The following AFAP1 variants were observed in gnomAD, a reference collection of about 807,000 sequenced individuals.
AFAP1 encodes actin filament-associated protein 1.
Under a neutral mutation model 93.9 loss-of-function variants are expected in AFAP1, and 75 were observed. That is an observed-to-expected ratio of 0.80 (90% CI 0.66 to 0.97). The LOEUF (loss-of-function observed/expected upper bound fraction) is 0.97. AFAP1 is among the 50% of genes least tolerant of loss of function. AFAP1 has a pLI of 0.00. For synonymous variants in AFAP1, 517 were observed against 430.7 expected (o/e 1.20, Z -2.48); for missense variants, 1,201 against 1,050.8 (o/e 1.14, Z -1.98).
chr4:7,843,040 C>T, intron 5 of AFAP1, 99 bp downstream of exon 5: 1 of 1,361,186 alleles, frequency 7.3e-7, no homozygotes, highest in African/African-American at 1.5e-5. Flanking sequence ...GAGTGCTGCC[C>T]TTCCTGCACA....
rs371164081 is a variant in AFAP1, at chr4:7,805,926, G to T, written c.1054+3688C>A. ...AAACTTCCATCTGGTGGCCTGGGGA[G>T]GGGGAAGCAGAGTAGAATGAGGTGA... On this transcript the variant is annotated intron_variant, in intron 9 of 17. Coordinates refer to ENST00000420658, the MANE Select transcript of AFAP1 (RefSeq NM_001134647.2). 5.3e-5 allele frequency among the ~76,000 whole-genome samples: 8 copies of T among 152,324 alleles called. No homozygotes were observed. In the East Asian group the frequency reaches 9.6e-4, roughly 18 times the overall value.
intron 1 of AFAP1, among the ~76,000 whole-genome samples, chr4:7,893,985 TCAAATCACCAG>T (rs1335432773): frequency 6.6e-6 from 1 of 152,156 alleles, no homozygotes; most frequent in Admixed American, 6.5e-5. Context: ...GAGGCTGAGT[TCAAATCACCAG>T]CAAAGACCTC....
chr4:7,771,396 A>T (rs1715416536), intron 16 of AFAP1, among the ~76,000 whole-genome samples: 1 of 152,120 alleles, frequency 6.6e-6, no homozygotes, highest in Non-Finnish European at 1.5e-5. Context: ...GTATCGTATA[A>T]ATATATAATT....
rs560759678 is a variant in AFAP1, at chr4:7,798,994, GTTTC to G, written c.1266+1444_1266+1447del. ...CCCGCATTGTTACATCAAGAGTACAGTTTCTTTATTTAAGTTTTCAGCTTTTTTC... is the reference window on the plus strand; with the variant it reads ...CCCGCATTGTTACATCAAGAGTACAGTTTATTTAAGTTTTCAGCTTTTTTC... On this transcript the variant is annotated intron_variant, in intron 10 of 17. Transcript: ENST00000420658. 3.5e-3 allele frequency: 3,495 copies of G among 986,264 alleles called. 10 individuals are homozygous for G. Among genetic ancestry groups the G allele is most frequent in the Non-Finnish European group, 3.9e-3 (3,206 of 830,118 alleles). 61.1% of individuals were successfully genotyped at this position (986,264 alleles called of 1,614,324 possible). A position where few individuals can be genotyped will look rare whatever the true frequency, so the allele number is the denominator to read the frequency against.
rs1165126454 is a variant in AFAP1, at chr4:7,786,263, G to A, written c.1461C>T (p.Thr487=). The change falls in exon 12 of 18, where the codon ACC becomes ACT. Residue 487 remains threonine, a synonymous_variant. Transcript: ENST00000420658. ...VISANPYLGG[T]SNGYAHPSGT... is the part of the protein sequence containing the mutation. ...CGCTGGGGTGGGCATAGCCGTTGGA[G>A]GTGCCCCCTAGATATGGGTTAGCAG... The A allele has an allele frequency of 3.1e-6, 5 of 1,614,180 alleles. No homozygotes were observed. The South Asian group carries it at 5.5e-5, about 18-fold the overall frequency.
rs16841284 is a variant in AFAP1 at position 7,793,486 on chromosome 4, G to A, written c.1412+195C>T. On this transcript the variant is annotated intron_variant, in intron 11 of 17. Transcript: ENST00000420658. ...AGTCCTTCATGCAAGTTTGCCACAC[G>A]CTGCTCGAATAGAAAACCCAGTGGG... Among the ~76,000 whole-genome samples, 7,704 of 152,280 alleles carry A rather than the reference G, an allele frequency of 0.051. 663 individuals carry two copies. Among genetic ancestry groups the A allele is most frequent in the African/African-American group, 0.18 (7,290 of 41,536 alleles).
intron 10 of AFAP1, among the ~76,000 whole-genome samples, chr4:7,795,211 A>C (rs1025535739): frequency 2.0e-5 from 3 of 152,140 alleles, no homozygotes; most frequent in Non-Finnish European, 4.4e-5. Context: ...TCCATATAAC[A>C]AATCATTACT....
chr4:7,779,008 G>T (rs542686183), intron 13 of AFAP1, 132 bp from the exon 14 acceptor site: 2 of 677,458 alleles, frequency 3.0e-6, no homozygotes, highest in East Asian at 2.7e-5. Flanking sequence ...AGGAAAAATC[G>T]AAAGTGAAAG....
At chr4:7,775,531 T>C (rs948363352) in intron 14 of AFAP1, 7 of 152,326 alleles carry the variant, frequency 4.6e-5, no homozygotes, top group Non-Finnish European at 8.8e-5. Flanking sequence ...CTTATGGCCA[T>C]GTCATCTGAC....
chr4:7,893,825 C>A (rs1718614354), intron 1 of AFAP1, among the ~76,000 whole-genome samples: 1 of 152,102 alleles, frequency 6.6e-6, no homozygotes. Context: ...AGAAGCCAGG[C>A]CCTAAGCCAC....
chr4:7,789,361 T>G (rs1028358287), intron 11 of AFAP1, among the ~76,000 whole-genome samples: 1 of 152,068 alleles, frequency 6.6e-6, no homozygotes, highest in Non-Finnish European at 1.5e-5. Context: ...CCAAGAGAAC[T>G]GCCTCCCATC....
chr4:7,869,683 T>C (rs757839646), intron 2 of AFAP1, among the ~76,000 whole-genome samples: 34 of 152,110 alleles, frequency 2.2e-4, no homozygotes, highest in Non-Finnish European at 4.7e-4. Context: ...CCTGTAAAAA[T>C]ACTGACTTAA....
In AFAP1 at chr4:7,819,115, A is replaced by T. The variant is rs1162488494; in HGVS notation, c.783T>A (p.Pro261=). 6.2e-7 allele frequency: 1 copy of T among 1,613,834 alleles called. No individual in the cohort carries two copies. Among genetic ancestry groups the T allele is most frequent in the Admixed American group, 1.7e-5 (1 of 59,944 alleles). Residue 261 remains proline (P), a synonymous_variant, in exon 7 of 18, where the codon CCT becomes CCA. Transcript: ENST00000420658. ...CSGPVDSECP[P]PPSSPVHKAE... is the part of the protein sequence containing the mutation. ...CCTTGTGCACCGGGGAGCTTGGTGG[A>T]GGAGGACACTCTGAATCCACGGGGC... is the stretch of plus-strand genomic sequence containing the variant.
intron 13 of AFAP1, among the ~76,000 whole-genome samples, chr4:7,780,678 A>C (rs1354590214): frequency 3.3e-5 from 5 of 152,004 alleles, no homozygotes; most frequent in African/African-American, 1.2e-4. Context: ...TAACACCACA[A>C]AATTACTCTG....
intron 12 of AFAP1, among the ~76,000 whole-genome samples, chr4:7,784,968 C>T (rs1717126890): frequency 6.6e-6 from 1 of 152,206 alleles, no homozygotes; most frequent in African/African-American, 2.4e-5. Flanking sequence ...AAGTCTATTT[C>T]ATAGCCTTGG....
In AFAP1 at chr4:7,761,878, T is replaced by C. The variant is rs2269851; in HGVS notation, c.*1887A>G. ...GGCAATGCAGCGGACGGCCCTGAGG[T>C]GTGTGGCGTCCCCGCCCGACCTGCC... On this transcript the variant is annotated 3_prime_UTR_variant, in exon 18 of 18. Transcript: ENST00000420658. 104,746 of 151,990 alleles carry C rather than the reference T, an allele frequency of 0.69. 36,794 individuals are homozygous for C. Among genetic ancestry groups the C allele is most frequent in the Non-Finnish European group, 0.77 (52,311 of 67,994 alleles). 9.4% of individuals were successfully genotyped at this position (151,990 alleles called of 1,614,324 possible). A position where few individuals can be genotyped will look rare whatever the true frequency, so the allele number is the denominator to read the frequency against.
intron 12 of AFAP1, among the ~76,000 whole-genome samples, chr4:7,783,388 C>T (rs1316831037): frequency 6.6e-6 from 1 of 152,210 alleles, no homozygotes; most frequent in African/African-American, 2.4e-5. Flanking sequence ...GATCTGCCCA[C>T]CTCTGCCTTC....
chr4:7,782,650 G>A (rs940408051), intron 12 of AFAP1, among the ~76,000 whole-genome samples: 6 of 152,234 alleles, frequency 3.9e-5, no homozygotes, highest in Non-Finnish European at 8.8e-5. Flanking sequence ...TTTATAAATC[G>A]CCTGGCATGA....
intron 9 of AFAP1, among the ~76,000 whole-genome samples, chr4:7,809,230 T>G (rs921741816): frequency 1.3e-5 from 2 of 151,082 alleles, no homozygotes; most frequent in Non-Finnish European, 2.9e-5. Flanking sequence ...CCCACTTAGT[T>G]TTATCACTTT....
Sources: gnomAD v4.1 joint callset for allele counts (sites outside exome capture counted in the v4.1 genomes callset) on GRCh38, gnomAD v4.1.1 for gene constraint, MANE v1.5 for transcripts, NCBI Gene and HGNC (gene_info 2026-07-23, HGNC 2026-07-21) for gene names.